Variants in GPHN observed in about 807,000 individuals in gnomAD.
GPHN encodes gephyrin.
GPHN carries 17 observed loss-of-function variants against 95.5 expected under a neutral mutation model. The observed-to-expected ratio is 0.18, with a 90% CI of 0.12 to 0.27. The LOEUF is 0.27. Ranked by LOEUF, GPHN falls within the 10% of genes least tolerant of loss-of-function variation. The pLI is 1.00. For synonymous variants in GPHN, 320 were observed against 322.5 expected (o/e 0.99, Z 0.08); for missense variants, 660 against 978.1 (o/e 0.67, Z 4.34).
the GPHN span, chr14:67,684,804 A>G: frequency 9.9e-6 from 4 of 402,804 alleles, no homozygotes; most frequent in Non-Finnish European, 1.7e-5. Context: ...AACAGAATGC[A>G]TAATTATCAG....
At chr14:67,028,640 A>G (rs1342310627) in intron 10 of GPHN, among the ~76,000 whole-genome samples, 2 of 152,022 alleles carry the variant, frequency 1.3e-5, no homozygotes, top group African/African-American at 4.8e-5. Context: ...TTTTTCATAT[A>G]CCTATTGGCC....
At chr14:67,690,184 T>A in the GPHN span, 1 of 1,595,620 alleles carries the variant, frequency 6.3e-7, no homozygotes, top group Non-Finnish European at 8.6e-7. Context: ...CTGACTCATG[T>A]CTCCACATTC....
chr14:67,086,649 CA>C (rs59947004), intron 11 of GPHN, among the ~76,000 whole-genome samples: 8,872 of 84,570 alleles, frequency 0.1, 246 homozygotes, highest in Middle Eastern at 0.13. Context: ...GACTCTGTCT[CA>C]AAAAAAAAAA....
intron 1 of GPHN, among the ~76,000 whole-genome samples, chr14:66,535,234 A>G (rs2059098749): frequency 6.6e-6 from 1 of 151,996 alleles, no homozygotes; most frequent in South Asian, 2.1e-4. Flanking sequence ...CATTTTTTGA[A>G]AAAAAAATTG....
At chr14:66,525,923 G>A (rs2058672522) in intron 1 of GPHN, among the ~76,000 whole-genome samples, 2 of 151,946 alleles carry the variant, frequency 1.3e-5, no homozygotes, top group African/African-American at 4.8e-5. Flanking sequence ...TTAGCATGAT[G>A]CCTCCAGCTT....
chr14:67,338,544 A>G, the GPHN span: 1 of 1,420,940 alleles, frequency 7.0e-7, no homozygotes, highest in Non-Finnish European at 9.4e-7. Context: ...ATAAATAGCC[A>G]CACAAATCAA....
At chr14:67,663,207 A>C in the GPHN span, 23 of 1,495,774 alleles carry the variant, frequency 1.5e-5, 2 homozygotes, top group South Asian at 2.4e-4. Flanking sequence ...ACAAAAATAG[A>C]ACAGGCTTCA....
At chr14:67,411,992 T>C in the GPHN span, 2 of 1,534,248 alleles carry the variant, frequency 1.3e-6, no homozygotes, top group South Asian at 2.4e-5. Context: ...ACCCGGGCAA[T>C]GTCCCGAAGC....
chr14:66,773,928 A>G (rs554156156), intron 2 of GPHN, among the ~76,000 whole-genome samples: 4 of 150,154 alleles, frequency 2.7e-5, no homozygotes, highest in South Asian at 2.1e-4. Context: ...ATTGGGCCCT[A>G]GATAATCTTT....
chr14:66,691,175 C>G (rs1251724512), intron 2 of GPHN, among the ~76,000 whole-genome samples: 1 of 151,794 alleles, frequency 6.6e-6, no homozygotes, highest in Non-Finnish European at 1.5e-5. Flanking sequence ...GACACTGTCT[C>G]TACAATTTTT....
At chr14:67,150,588 A>G (rs1023328527) in intron 18 of GPHN, among the ~76,000 whole-genome samples, 1 of 152,056 alleles carries the variant, frequency 6.6e-6, no homozygotes, top group African/African-American at 2.4e-5. Flanking sequence ...ATAAGCCTAT[A>G]GAAGTTTAGG....
At chr14:67,171,497 G>A (rs1437882833) in intron 21 of GPHN, among the ~76,000 whole-genome samples, 2 of 152,066 alleles carry the variant, frequency 1.3e-5, no homozygotes, top group East Asian at 3.9e-4. Context: ...TCCCATTAAA[G>A]CACTCTACCA....
At chr14:67,396,451 AAG>A in the GPHN span, among the ~76,000 whole-genome samples, 1 of 151,556 alleles carries the variant, frequency 6.6e-6, no homozygotes, top group African/African-American at 2.4e-5. Context: ...CCTGGCCTCT[AAG>A]AGAGTTTTCA....
rs771465567 is a variant in GPHN at position 66,631,257 on chromosome 14, C to T, written c.65-49850C>T. 9.2e-5 allele frequency among the ~76,000 whole-genome samples: 14 copies of T among 152,090 alleles called. 1 individual carries two copies. The highest frequency in any genetic ancestry group is 3.4e-3 in the Middle Eastern group (1 of 294). On this transcript the variant is annotated intron_variant, in intron 1 of 22. Coordinates refer to ENST00000478722, the MANE Select transcript of GPHN (RefSeq NM_020806.5). ...AGAGACGAGGTTTCACCATGTTGGT[C>T]GGGCTGGTCTTGAACTCCTGACCTC...
intron 2 of GPHN, among the ~76,000 whole-genome samples, chr14:66,750,678 T>TA (rs2058332463): frequency 6.6e-6 from 1 of 151,952 alleles, no homozygotes; most frequent in African/African-American, 2.4e-5. Flanking sequence ...AAATTCTAAG[T>TA]ATCACTGGCC....
At chr14:66,898,289 G>T (rs1469083773) in intron 5 of GPHN, among the ~76,000 whole-genome samples, 1 of 151,430 alleles carries the variant, frequency 6.6e-6, no homozygotes, top group African/African-American at 2.4e-5. Flanking sequence ...CCTAGGCAAA[G>T]GTCCAAAGAC....
intron 1 of GPHN, among the ~76,000 whole-genome samples, chr14:66,582,490 C>T: frequency 6.6e-6 from 1 of 151,920 alleles, no homozygotes; most frequent in Non-Finnish European, 1.5e-5. Flanking sequence ...CCCATTAACT[C>T]ATCATTTAGC....
At chr14:67,335,546 ATTTGC>A in the GPHN span, 1 of 152,652 alleles carries the variant, frequency 6.6e-6, no homozygotes, top group Admixed American at 6.5e-5. Context: ...ACTAATCCAG[ATTTGC>A]TTTCTATGAA....
At chr14:66,643,801 A>T (rs1202447879) in intron 1 of GPHN, among the ~76,000 whole-genome samples, 1 of 150,262 alleles carries the variant, frequency 6.7e-6, no homozygotes, top group African/African-American at 2.4e-5. Context: ...CAAGCTCTAT[A>T]TGTGTTTGAG....
Sources: gnomAD v4.1 joint callset for allele counts (sites outside exome capture counted in the v4.1 genomes callset) on GRCh38, gnomAD v4.1.1 for gene constraint, MANE v1.5 for transcripts, NCBI Gene and HGNC (gene_info 2026-07-23, HGNC 2026-07-21) for gene names.